SV2C: variants seen among roughly 807,000 people sequenced by gnomAD.
SV2C encodes the protein synaptic vesicle glycoprotein 2C.
A neutral mutation model predicts 79.7 loss-of-function variants in SV2C; 49 were observed. The observed-to-expected ratio is 0.61, with a 90% CI of 0.49 to 0.78. The LOEUF is 0.78. SV2C is among the 30% of genes least tolerant of loss of function. The pLI is 0.00. For synonymous variants in SV2C, 334 were observed against 333.2 expected, an observed-to-expected ratio of 1.00 and a Z score of -0.03; for missense variants, 833 against 912.9, an observed-to-expected ratio of 0.91 and a Z score of 1.13.
the SV2C span, among the ~76,000 whole-genome samples, chr5:75,891,429 G>C: frequency 6.6e-6 from 1 of 152,106 alleles, no homozygotes; most frequent in African/African-American, 2.4e-5. Context: ...AGGTTTATTT[G>C]AGGAAAGGGC....
intron 4 of SV2C, chr5:76,242,451 G>A: frequency 3.5e-6 from 2 of 575,474 alleles, no homozygotes; most frequent in Non-Finnish European, 6.5e-6. Flanking sequence ...GCCTCCCAAA[G>A]TGCTGTGATT....
chr5:76,106,444 A>C (rs1391933091), intron 1 of SV2C, among the ~76,000 whole-genome samples: 2 of 152,180 alleles, frequency 1.3e-5, no homozygotes, highest in Non-Finnish European at 1.5e-5. Context: ...TTCTCTGTGC[A>C]AATCCCTGCA....
chr5:76,106,509 G>A (rs954691406), intron 1 of SV2C, among the ~76,000 whole-genome samples: 4 of 152,084 alleles, frequency 2.6e-5, no homozygotes, highest in Non-Finnish European at 5.9e-5. Flanking sequence ...ATGTACACAG[G>A]GCTTTATATC....
chr5:76,173,796 G>T (rs1743412887), intron 2 of SV2C: 3 of 1,604,676 alleles, frequency 1.9e-6, no homozygotes, highest in African/African-American at 1.3e-5. Context: ...TTTTGACCTT[G>T]TTCCTTCCCT....
At position 76,295,932 on chromosome 5, in the gene SV2C, G is replaced by T. The variant is rs893831427; in HGVS notation, c.1492G>T (p.Asp498Tyr). The change falls in exon 9 of 13, where the codon GAC (aspartate) becomes TAC (tyrosine). Residue 498 changes from aspartate (D) to tyrosine (Y), a missense_variant. By Grantham distance (160) the Asp-to-Tyr change is radical. Coordinates refer to ENST00000502798, the MANE Select transcript of SV2C (RefSeq NM_014979.4). ...TCAGATTCATACTGGAATGGAATAC[G>T]ACAATGGCAGGTCTAGAAACTTGAA... ...ENQIHTGMEY[D>Y]NGRFIGVKFK... 6.3e-7 allele frequency: 1 copy of T among 1,591,494 alleles called. No homozygotes were observed. Among genetic ancestry groups the T allele is most frequent in the South Asian group, 1.1e-5 (1 of 87,824 alleles).
chr5:75,905,839 A>C, the SV2C span, among the ~76,000 whole-genome samples: 1 of 151,410 alleles, frequency 6.6e-6, no homozygotes. Flanking sequence ...GTTTAATAGC[A>C]TCCTCCCAAA....
chr5:76,299,159 A>C (rs908040535), intron 10 of SV2C, among the ~76,000 whole-genome samples: 38 of 152,266 alleles, frequency 2.5e-4, no homozygotes, highest in African/African-American at 8.7e-4. Context: ...ACAACAACAA[A>C]AAAATCCTTT....
At chr5:76,042,044 C>T in the SV2C span, among the ~76,000 whole-genome samples, 2 of 152,192 alleles carry the variant, frequency 1.3e-5, no homozygotes, top group East Asian at 3.9e-4. Flanking sequence ...CCTGTGTAGC[C>T]TGCCACCCGC....
chr5:76,130,006 T>C (rs1170443642), intron 1 of SV2C, among the ~76,000 whole-genome samples: 1 of 151,956 alleles, frequency 6.6e-6, no homozygotes, highest in African/African-American at 2.4e-5. Flanking sequence ...CATTGTCCTC[T>C]CTGCCCCTTT....
At chr5:76,065,941 T>A in the SV2C span, among the ~76,000 whole-genome samples, 5 of 152,148 alleles carry the variant, frequency 3.3e-5, no homozygotes, top group African/African-American at 1.2e-4. Flanking sequence ...GGAATGGTGT[T>A]AGAGCTCTTG....
At chr5:76,352,290 CGTAA>C (rs1202127319) in intron 12 of SV2C, among the ~76,000 whole-genome samples, 2 of 152,104 alleles carry the variant, frequency 1.3e-5, no homozygotes, top group Non-Finnish European at 2.9e-5. Flanking sequence ...TAATTATGAA[CGTAA>C]GCAACTCCAT....
At chr5:75,939,960 C>T in the SV2C span, among the ~76,000 whole-genome samples, 1 of 152,228 alleles carries the variant, frequency 6.6e-6, no homozygotes, top group East Asian at 1.9e-4. Context: ...TCAGTTCTAC[C>T]CAAGATCTCC....
intron 1 of SV2C, among the ~76,000 whole-genome samples, chr5:76,106,582 A>G (rs1747926210): frequency 6.6e-6 from 1 of 152,142 alleles, no homozygotes; most frequent in South Asian, 2.1e-4. Flanking sequence ...ACTCTGTTCC[A>G]ACCACACTGG....
At chr5:75,924,991 G>T in the SV2C span, among the ~76,000 whole-genome samples, 282 of 152,124 alleles carry the variant, frequency 1.9e-3, no homozygotes, top group South Asian at 0.011. Flanking sequence ...TAAAATTATT[G>T]AATCATAAAA....
chr5:76,014,460 G>GA, the SV2C span, among the ~76,000 whole-genome samples: 2 of 151,554 alleles, frequency 1.3e-5, no homozygotes, highest in African/African-American at 4.8e-5. Context: ...ACTACTGAAA[G>GA]AAAAAAAAAT....
At chr5:76,179,313 G>A (rs2112296417) in intron 2 of SV2C, among the ~76,000 whole-genome samples, 1 of 152,272 alleles carries the variant, frequency 6.6e-6, no homozygotes, top group South Asian at 2.1e-4. Context: ...GGGATTCTAG[G>A]ATACAATGGT....
At chr5:76,229,316 T>C (rs1553322) in intron 4 of SV2C, among the ~76,000 whole-genome samples, 15,865 of 152,248 alleles carry the variant, frequency 0.1, 2,366 homozygotes, top group African/African-American at 0.33. Context: ...TCTGGACAGA[T>C]AGGATTTGCT....
intron 12 of SV2C, among the ~76,000 whole-genome samples, chr5:76,316,081 T>C (rs901558730): frequency 3.3e-5 from 5 of 152,168 alleles, no homozygotes; most frequent in Admixed American, 1.3e-4. Flanking sequence ...AATCATTTCA[T>C]TTTAAACAAA....
At chr5:76,295,085 GTCTTACTCCATTTCTGCTGC>G (rs1299251972) in intron 8 of SV2C, among the ~76,000 whole-genome samples, 7 of 152,182 alleles carry the variant, frequency 4.6e-5, no homozygotes, top group African/African-American at 1.7e-4. Context: ...GATGTCAGAT[GTCTTACTCCATTTCTGCTGC>G]TATAACAAAA....
Sources: gnomAD v4.1 joint callset for allele counts (sites outside exome capture counted in the v4.1 genomes callset) on GRCh38, gnomAD v4.1.1 for gene constraint, MANE v1.5 for transcripts, NCBI Gene and HGNC (gene_info 2026-07-23, HGNC 2026-07-21) for gene names.